The following COX17 variants were observed in gnomAD, a reference collection of about 807,000 sequenced individuals.
The protein encoded by COX17 is cytochrome c oxidase copper chaperone.
A neutral mutation model predicts 6.3 loss-of-function variants in COX17; 1 was observed. The ratio of observed to expected loss-of-function variants is 0.16; its 90% CI spans 0.06 to 0.75. The LOEUF is 0.75. Among genes scored for constraint, COX17 ranks in the 30% least tolerant of loss-of-function variants. The pLI is 0.77. For missense variants in COX17, 73 were observed against 81.2 expected, an observed-to-expected ratio of 0.90 and a Z score of 0.39; for synonymous variants, 26 against 30.5, an observed-to-expected ratio of 0.85 and a Z score of 0.49.
chr3:119,667,358 G>C (rs1173407893), downstream of COX17, among the ~76,000 whole-genome samples: 2 of 152,132 alleles, frequency 1.3e-5, no homozygotes, highest in African/African-American at 4.8e-5. Flanking sequence ...AGGGTCTTGT[G>C]AGATGTACTT....
In COX17 at chr3:119,677,351, C is replaced by A; in HGVS notation, c.-41G>T. On this transcript the variant is annotated 5_prime_UTR_variant, in exon 1 of 3. Coordinates refer to ENST00000261070, the MANE Select transcript of COX17 (RefSeq NM_005694.2). ...CAGCTATGAGCGGAGACAGCCAAATCTATGCCAGCCTCGGCAAACGCCGAT... is the reference window on the plus strand; with the variant it reads ...CAGCTATGAGCGGAGACAGCCAAATATATGCCAGCCTCGGCAAACGCCGAT... 3.3e-6 allele frequency: 5 copies of A among 1,538,240 alleles called. No homozygotes were observed. Among genetic ancestry groups the A allele is most frequent in the Non-Finnish European group, 4.5e-6 (5 of 1,120,100 alleles).
chr3:119,665,748 G>A (rs1373113266), downstream of COX17, among the ~76,000 whole-genome samples: 1 of 152,136 alleles, frequency 6.6e-6, no homozygotes, highest in Non-Finnish European at 1.5e-5. Context: ...CTTCCTAACA[G>A]GGAGGTAAAT....
At chr3:119,675,412 T>C (rs1302749462) in intron 1 of COX17, 179 bp from the exon 2 acceptor site, 3 of 550,138 alleles carry the variant, frequency 5.5e-6, no homozygotes, top group Non-Finnish European at 9.7e-6. Context: ...CCCATGCCTA[T>C]GAAGACATTC....
chr3:119,675,164 T>C lies in COX17; in HGVS notation c.177A>G (p.Leu59=), dbSNP rs761746207. The change falls in exon 2 of 3, where the codon CTA becomes CTG. Residue 59 remains leucine, a synonymous_variant. Coordinates refer to ENST00000261070, the MANE Select transcript of COX17 (RefSeq NM_005694.2). ...GCTTACCATTTCATATTTTAAATCC[T>C]AGGGCTCTCATGCATTCCTTGTGGG... ...IEAHKECMRA[L]GFKI 1 of 1,611,906 alleles carries C rather than the reference T, an allele frequency of 6.2e-7. No individual in the cohort carries two copies. Among genetic ancestry groups the C allele is most frequent in the Non-Finnish European group, 8.5e-7 (1 of 1,178,162 alleles).
At chr3:119,667,543 C>T (rs1253847713), downstream of COX17, among the ~76,000 whole-genome samples, 1 of 152,086 alleles carries the variant, frequency 6.6e-6, no homozygotes, top group Non-Finnish European at 1.5e-5. Context: ...GCAGTCCTCA[C>T]TCAAAGCCTT....
chr3:119,676,910 C>G (rs1431095066), intron 1 of COX17: 1 of 702,516 alleles, frequency 1.4e-6, no homozygotes. Context: ...TCCTCTCTCT[C>G]CATCGTTTCC....
chr3:119,674,826 G>T, intron 2 of COX17: 6 of 201,108 alleles, frequency 3.0e-5, no homozygotes, highest in Non-Finnish European at 4.0e-5. Context: ...ATTTACTGAA[G>T]TCCCACAATA....
rs1255569472 is a variant in COX17, at chr3:119,675,331, G to A, written c.108-98C>T. The A allele has an allele frequency of 7.5e-6, 6 of 802,344 alleles. No homozygotes were observed. In the East Asian group the frequency reaches 1.3e-4, roughly 17 times the overall value. 49.7% of individuals were successfully genotyped at this position (802,344 alleles called of 1,614,324 possible). ...GAGTGAGACAAAACACGGGTATAAT[G>A]GAATGTAGCTGGAATTAAAACAAAC... On this transcript the variant is annotated intron_variant, in intron 1 of 2. Transcript: ENST00000261070.
downstream of COX17, among the ~76,000 whole-genome samples, chr3:119,668,560 A>G (rs1389372735): frequency 1.4e-5 from 2 of 141,950 alleles, no homozygotes; most frequent in Non-Finnish European, 3.1e-5. Context: ...TTTTTTTTTC[A>G]GCTGAGAAAA....
chr3:119,667,688 TACACACACACACACACAC>T (rs58875404), downstream of COX17, among the ~76,000 whole-genome samples: 155 of 136,870 alleles, frequency 1.1e-3, no homozygotes, highest in African/African-American at 2.2e-3. Flanking sequence ...GTAAAAGGTG[TACACACACACACACACAC>T]ACACACACAC....
At chr3:119,666,645 C>T (rs1419285492), downstream of COX17, among the ~76,000 whole-genome samples, 4 of 152,200 alleles carry the variant, frequency 2.6e-5, no homozygotes, top group Non-Finnish European at 5.9e-5. Flanking sequence ...CATATATCCA[C>T]TAGACTATAA....
chr3:119,672,757 T>C (rs987415649), intron 2 of COX17, among the ~76,000 whole-genome samples: 3 of 152,198 alleles, frequency 2.0e-5, no homozygotes, highest in African/African-American at 7.2e-5. Flanking sequence ...AATCACAAAA[T>C]GTATTATGGT....
intron 3 of COX17, among the ~76,000 whole-genome samples, chr3:119,664,429 G>C (rs2052975517): frequency 6.6e-6 from 1 of 151,536 alleles, no homozygotes; most frequent in Admixed American, 6.6e-5. Context: ...AAGATGAGTA[G>C]GTTTTCCCCA....
In COX17 at chr3:119,677,351, C is replaced by G; in HGVS notation, c.-41G>C. On this transcript the variant is annotated 5_prime_UTR_variant, in exon 1 of 3. Transcript: ENST00000261070. The stretch of plus-strand genomic sequence containing the variant: ...CAGCTATGAGCGGAGACAGCCAAAT[C>G]TATGCCAGCCTCGGCAAACGCCGAT... 6.5e-7 allele frequency: 1 copy of G among 1,538,240 alleles called. No homozygotes were observed. Among genetic ancestry groups the G allele is most frequent in the Non-Finnish European group, 8.9e-7 (1 of 1,120,100 alleles).
chr3:119,673,560 A>T (rs1433173140), intron 2 of COX17, among the ~76,000 whole-genome samples: 1 of 152,224 alleles, frequency 6.6e-6, no homozygotes, highest in Non-Finnish European at 1.5e-5. Context: ...GTGCAGATAC[A>T]GAGCATTTCC....
chr3:119,675,062 G>C, intron 2 of COX17, 83 bp downstream of exon 2: 1 of 972,626 alleles, frequency 1.0e-6, no homozygotes, highest in East Asian at 2.4e-5. Context: ...AGATTAACCA[G>C]GTGAACTACC....
At chr3:119,667,675 AAAGT>A (rs2053004744), downstream of COX17, among the ~76,000 whole-genome samples, 2 of 141,746 alleles carry the variant, frequency 1.4e-5, no homozygotes, top group Non-Finnish European at 3.0e-5. Context: ...AAAAAAAAAG[AAAGT>A]AAAAGGTGTA....
downstream of COX17, among the ~76,000 whole-genome samples, chr3:119,667,561 C>A (rs140840048): frequency 3.3e-5 from 5 of 152,020 alleles, no homozygotes; most frequent in African/African-American, 1.2e-4. Context: ...CTTGAAAACA[C>A]GCATGGCCTC....
At chr3:119,672,700 TTAAGTA>T (rs1365051548) in intron 2 of COX17, among the ~76,000 whole-genome samples, 4 of 152,358 alleles carry the variant, frequency 2.6e-5, no homozygotes, top group Admixed American at 1.3e-4. Flanking sequence ...TAAAAGCAAC[TTAAGTA>T]TATCATTTAC....
Sources: gnomAD v4.1 joint callset for allele counts (sites outside exome capture counted in the v4.1 genomes callset) on GRCh38, gnomAD v4.1.1 for gene constraint, MANE v1.5 for transcripts, NCBI Gene and HGNC (gene_info 2026-07-23, HGNC 2026-07-21) for gene names.